The following MS4A4A variants were observed in gnomAD, a reference collection of about 807,000 sequenced individuals.
MS4A4A encodes membrane spanning 4-domains A4A, also known as membrane-spanning 4-domains subfamily A member 4A.
Under a neutral mutation model 28.0 loss-of-function variants are expected in MS4A4A, and 26 were observed. The ratio of observed to expected loss-of-function variants is 0.93; its 90% CI spans 0.68 to 1.29. MS4A4A has a LOEUF of 1.29. Ranked by LOEUF, MS4A4A falls within the 50% of genes most tolerant of loss-of-function variation. The pLI is 0.00. For missense variants in MS4A4A, 290 were observed against 293.1 expected, an observed-to-expected ratio of 0.99 and a Z score of 0.08; for synonymous variants, 86 against 100.8, an observed-to-expected ratio of 0.85 and a Z score of 0.88.
chr11:60,297,167 A>T, intron 2 of MS4A4A, 30 bp from the exon 3 acceptor site: 2 of 1,610,806 alleles, frequency 1.2e-6, no homozygotes, highest in Non-Finnish European at 1.7e-6. Context: ...GTGGTGGACA[A>T]TCAGTTTTTG....
At chr11:60,301,149 G>A in intron 4 of MS4A4A, 92 bp downstream of exon 4, 2 of 1,079,476 alleles carry the variant, frequency 1.9e-6, no homozygotes, top group Non-Finnish European at 2.6e-6. Flanking sequence ...TTGTTTCTTT[G>A]TTTGTAAAAA....
chr11:60,289,621 G>GT (rs2084835871), intron 1 of MS4A4A, among the ~76,000 whole-genome samples: 1 of 147,416 alleles, frequency 6.8e-6, no homozygotes, highest in South Asian at 2.2e-4. Context: ...GTGTGTGTGT[G>GT]TGTTGATGAT....
intron 1 of MS4A4A, among the ~76,000 whole-genome samples, chr11:60,288,626 C>T (rs2084823257): frequency 6.6e-6 from 1 of 152,090 alleles, no homozygotes; most frequent in African/African-American, 2.4e-5. Flanking sequence ...CAACTCCATC[C>T]CTGGGTGATG....
intron 5 of MS4A4A, among the ~76,000 whole-genome samples, 162 bp downstream of exon 5, chr11:60,302,879 G>A (rs183761178): frequency 2.0e-5 from 3 of 152,136 alleles, no homozygotes; most frequent in African/African-American, 4.8e-5. Context: ...TTAGGTACAT[G>A]TCTCATCTCT....
chr11:60,307,849 C>T (rs2085018295), intron 6 of MS4A4A, among the ~76,000 whole-genome samples: 1 of 152,192 alleles, frequency 6.6e-6, no homozygotes, highest in Non-Finnish European at 1.5e-5. Context: ...TGTGCACTGT[C>T]ATCCACACGT....
chr11:60,297,151 A>AT, intron 2 of MS4A4A, 46 bp from the exon 3 acceptor site: 1 of 1,608,730 alleles, frequency 6.2e-7, no homozygotes, highest in Non-Finnish European at 8.5e-7. Context: ...CGGAAGCACC[A>AT]TTTTTGTGGT....
intron 1 of MS4A4A, among the ~76,000 whole-genome samples, chr11:60,290,888 T>C (rs1044323758): frequency 2.6e-5 from 4 of 152,144 alleles, no homozygotes; most frequent in African/African-American, 4.8e-5. Flanking sequence ...TTTCTCAACA[T>C]AGCAAATTTG....
At chr11:60,301,461 A>G (rs937971199) in intron 4 of MS4A4A, among the ~76,000 whole-genome samples, 1 of 152,238 alleles carries the variant, frequency 6.6e-6, no homozygotes, top group Non-Finnish European at 1.5e-5. Context: ...TTGAGTTTTC[A>G]ATAAAAGAAA....
chr11:60,291,712 C>T (rs1300274640), intron 1 of MS4A4A, among the ~76,000 whole-genome samples: 2 of 148,136 alleles, frequency 1.4e-5, no homozygotes, highest in Admixed American at 6.8e-5. Flanking sequence ...GCAGGAGAAT[C>T]GTTTGAACCC....
At chr11:60,296,914 G>A in intron 2 of MS4A4A, 1 of 338,788 alleles carries the variant, frequency 3.0e-6, no homozygotes, top group Non-Finnish European at 5.5e-6. Context: ...AATAATTGTG[G>A]TAGAAGTAAC....
chr11:60,302,498 T>C (rs757910078), intron 4 of MS4A4A, 61 bp from the exon 5 acceptor site: 73 of 1,525,090 alleles, frequency 4.8e-5, no homozygotes, highest in Admixed American at 1.4e-4. Flanking sequence ...TGTAAAGTGA[T>C]TCATGGAGAT....
intron 6 of MS4A4A, 42 bp from the exon 7 acceptor site, chr11:60,308,065 T>C: frequency 6.3e-7 from 1 of 1,579,532 alleles, no homozygotes; most frequent in South Asian, 1.1e-5. Context: ...CACTCTGAGG[T>C]GATTTGGGTG....
chr11:60,300,537 A>T (rs2084942749), intron 3 of MS4A4A, among the ~76,000 whole-genome samples: 1 of 143,614 alleles, frequency 7.0e-6, no homozygotes, highest in South Asian at 2.4e-4. Context: ...AATGGCGTGA[A>T]CCCGGGAGGC....
chr11:60,298,128 A>C (rs1201830275), intron 3 of MS4A4A, among the ~76,000 whole-genome samples: 1 of 151,902 alleles, frequency 6.6e-6, no homozygotes, highest in Non-Finnish European at 1.5e-5. Flanking sequence ...CCAAGAGAAA[A>C]CACAAGATAG....
intron 2 of MS4A4A, among the ~76,000 whole-genome samples, chr11:60,296,285 C>A (rs1034000355): frequency 6.6e-6 from 1 of 151,936 alleles, no homozygotes; most frequent in South Asian, 2.1e-4. Context: ...TTTTATTATC[C>A]TTTTAATTTC....
chr11:60,303,297 C>T (rs568351573), intron 5 of MS4A4A, among the ~76,000 whole-genome samples: 2 of 152,186 alleles, frequency 1.3e-5, no homozygotes, highest in African/African-American at 4.8e-5. Flanking sequence ...ATGCCACCTA[C>T]ACAATATTTT....
rs760648433 is a variant in MS4A4A at position 60,300,615 on chromosome 11, C to CAAAAAAAAAAAAAA, written c.331-371_331-358dup. On this transcript the variant is annotated intron_variant, in intron 3 of 6. Transcript: ENST00000337908. ...TGGGCGACAGAGCGAGACTCCGTCT[C>CAAAAAAAAAAAAAA]AAAAAAAAAAAAAAAAAAAAAAAAA... Among the ~76,000 whole-genome samples, 4 of 36,026 alleles carry CAAAAAAAAAAAAAA rather than the reference C, an allele frequency of 1.1e-4. 1 individual carries two copies. Among genetic ancestry groups the CAAAAAAAAAAAAAA allele is most frequent in the African/African-American group, 1.0e-4 (1 of 9,554 alleles). The allele number at this position is 36,026 out of a possible 152,430, so 23.6% of individuals were successfully genotyped here.
At chr11:60,302,400 GAGATT>G (rs1436985491) in intron 4 of MS4A4A, among the ~76,000 whole-genome samples, 154 bp from the exon 5 acceptor site, 2 of 152,326 alleles carry the variant, frequency 1.3e-5, no homozygotes, top group South Asian at 4.1e-4. Context: ...GTTTTGCCAA[GAGATT>G]AGAGTTGAAA....
chr11:60,307,890 T>C (rs1193152157), intron 6 of MS4A4A, among the ~76,000 whole-genome samples: 1 of 152,144 alleles, frequency 6.6e-6, no homozygotes, highest in African/African-American at 2.4e-5. Flanking sequence ...ACCAGAGCAG[T>C]GGTCATCAGC....
Sources: allele counts gnomAD v4.1 joint callset (sites outside exome capture counted in the v4.1 genomes callset), GRCh38; gene constraint gnomAD v4.1.1; transcripts MANE v1.5; gene names NCBI Gene and HGNC (gene_info 2026-07-23, HGNC 2026-07-21).